The following CCDC146 variants were observed in gnomAD, a reference collection of about 807,000 sequenced individuals.
CCDC146 encodes coiled-coil domain containing 146, also known as coiled-coil domain-containing protein 146.
In CCDC146, 92 loss-of-function variants were observed where a neutral mutation model predicts 119.3. The ratio of observed to expected loss-of-function variants is 0.77; its 90% confidence interval spans 0.65 to 0.92. The LOEUF is 0.92. CCDC146 is among the 40% of genes least tolerant of loss of function. The probability of loss-of-function intolerance (pLI) is 0.00; values close to 1 mark genes in which losing one functional copy is unlikely to be tolerated. For synonymous variants in CCDC146, 372 were observed against 371.8 expected, an observed-to-expected ratio of 1.00 and a Z score of -0.01; for missense variants, 1,000 against 1,103.0, an observed-to-expected ratio of 0.91 and a Z score of 1.32.
At chr7:77,254,405 A>G (rs1030332339) in intron 4 of CCDC146, 101 bp from the exon 5 acceptor site, 3 of 663,676 alleles carry the variant, frequency 4.5e-6, no homozygotes, top group Non-Finnish European at 7.6e-6. Flanking sequence ...CTGGCCGACA[A>G]GCATGGGAAT....
intron 4 of CCDC146, among the ~76,000 whole-genome samples, chr7:77,245,692 A>G (rs1792936250): frequency 6.6e-6 from 1 of 152,186 alleles, no homozygotes; most frequent in South Asian, 2.1e-4. Flanking sequence ...TTCTTGGTCC[A>G]GTGCTGATAG....
At chr7:77,137,187 A>G (rs1790872831) in intron 1 of CCDC146, among the ~76,000 whole-genome samples, 2 of 151,562 alleles carry the variant, frequency 1.3e-5, no homozygotes. Context: ...CTTTTCCACT[A>G]AGATCAAGAA....
chr7:77,274,979 T>A (rs1022940441), intron 11 of CCDC146, among the ~76,000 whole-genome samples: 5 of 148,206 alleles, frequency 3.4e-5, no homozygotes, highest in Non-Finnish European at 7.4e-5. Context: ...TATACATACG[T>A]AACTAACTTG....
chr7:77,284,788 A>G (rs1221154082), intron 15 of CCDC146, among the ~76,000 whole-genome samples: 1 of 151,976 alleles, frequency 6.6e-6, no homozygotes, highest in Non-Finnish European at 1.5e-5. Context: ...ATGAACTGAG[A>G]CATGCAGACT....
intron 8 of CCDC146, among the ~76,000 whole-genome samples, chr7:77,260,773 C>T (rs1272292016): frequency 4.5e-5 from 6 of 131,920 alleles, no homozygotes; most frequent in Admixed American, 3.3e-4. Flanking sequence ...ACTACATGTG[C>T]GCACCACCAC....
At chr7:77,285,057 G>A (rs958434141) in intron 15 of CCDC146, among the ~76,000 whole-genome samples, 5 of 150,874 alleles carry the variant, frequency 3.3e-5, no homozygotes, top group East Asian at 1.9e-4. Flanking sequence ...TTTTTCGGTC[G>A]TCCATAACAG....
intron 14 of CCDC146, 85 bp from the exon 15 acceptor site, chr7:77,282,471 GC>G: frequency 1.2e-6 from 1 of 805,912 alleles, no homozygotes; most frequent in Non-Finnish European, 2.0e-6. Flanking sequence ...TGTATATCTT[GC>G]ATCCAAAGCC....
intron 2 of CCDC146, among the ~76,000 whole-genome samples, chr7:77,222,695 C>A (rs1286003974): frequency 6.6e-6 from 1 of 152,206 alleles, no homozygotes; most frequent in East Asian, 1.9e-4. Context: ...AAATGACCAG[C>A]TATGTACATC....
intron 1 of CCDC146, among the ~76,000 whole-genome samples, chr7:77,154,928 C>T (rs1259793740): frequency 3.3e-5 from 5 of 152,006 alleles, no homozygotes; most frequent in African/African-American, 9.7e-5. Flanking sequence ...TCATAGCAAG[C>T]AAGAGGAGTG....
intron 1 of CCDC146, 114 bp from the exon 2 acceptor site, chr7:77,167,544 T>C (rs1189417819): frequency 1.3e-6 from 1 of 783,212 alleles, no homozygotes; most frequent in Non-Finnish European, 1.8e-6. Flanking sequence ...ATTTGTAGTT[T>C]CATTGAACAA....
At chr7:77,151,673 C>A (rs187060974) in intron 1 of CCDC146, among the ~76,000 whole-genome samples, 3 of 152,202 alleles carry the variant, frequency 2.0e-5, no homozygotes, top group African/African-American at 7.2e-5. Flanking sequence ...CTCTCCTCCT[C>A]CTGGACATAA....
intron 2 of CCDC146, among the ~76,000 whole-genome samples, chr7:77,171,856 T>C (rs1283185107): frequency 6.6e-6 from 1 of 152,212 alleles, no homozygotes; most frequent in Admixed American, 6.5e-5. Context: ...AAGATTAAGG[T>C]TTGTTTTGCA....
At position 77,232,589 on chromosome 7, in the gene CCDC146, T is replaced by G. The variant is rs567107240; in HGVS notation, c.157-4358T>G. On this transcript the variant is annotated intron_variant, in intron 2 of 18. Coordinates refer to ENST00000285871, the MANE Select transcript of CCDC146 (RefSeq NM_020879.3). ...AAAGTCAAAGGCAGGGCTGCAGAGC[T>G]GCAAGTCCTCACAGCTTGCTCAGCC... Among the ~76,000 whole-genome samples the G allele has an allele frequency of 1.2e-4, 19 of 152,358 alleles. No individual in the cohort carries two copies. In the South Asian group the frequency reaches 3.9e-3, roughly 32 times the overall value.
Position 77,256,475 on chromosome 7 carries a change from TAGA to T in CCDC146, c.655_657del (p.Glu219del), listed in dbSNP as rs748475767. 8.1e-6 allele frequency: 13 copies of T among 1,605,278 alleles called. No homozygotes were observed. The Admixed American group carries it at 1.9e-4, about 24-fold the overall frequency. On this transcript the variant is annotated inframe_deletion, in exon 6 of 19. Transcript: ENST00000285871. Reference sequence around the variant, plus strand: ...CAATTATTAAAAGAGCAGAAGGAACTAGAAGAATTGTTGGGACATCAGGTCGTC... The same window carrying T: ...CAATTATTAAAAGAGCAGAAGGAACTAGAATTGTTGGGACATCAGGTCGTC...
intron 2 of CCDC146, among the ~76,000 whole-genome samples, chr7:77,205,453 T>C (rs1792066047): frequency 6.6e-6 from 1 of 152,218 alleles, no homozygotes; most frequent in Admixed American, 6.5e-5. Context: ...GTAAGACACA[T>C]CACAGCCATC....
intron 7 of CCDC146, 44 bp from the exon 8 acceptor site, chr7:77,259,939 AGTGTGTGTGTGTGTGTGTGTGTGTGT>A (rs58669153): frequency 0.092 from 69,535 of 757,482 alleles, 2,593 homozygotes; most frequent in Middle Eastern, 0.14. Flanking sequence ...AAATAAGGCA[AGTGTGTGTGTGTGTGTGTGTGTGTGT>A]GTGTGTGTGT....
chr7:77,206,130 A>C (rs1438664116), intron 2 of CCDC146, among the ~76,000 whole-genome samples: 3 of 152,194 alleles, frequency 2.0e-5, no homozygotes, highest in Non-Finnish European at 4.4e-5. Context: ...TTACAAATAA[A>C]TTTTAGAGAG....
At chr7:77,166,098 A>G (rs547530155) in intron 1 of CCDC146, among the ~76,000 whole-genome samples, 25 of 152,340 alleles carry the variant, frequency 1.6e-4, no homozygotes, top group Non-Finnish European at 3.1e-4. Flanking sequence ...CATATAAGCA[A>G]GTGTTCTGGT....
chr7:77,208,873 A>G (rs1002892670), intron 2 of CCDC146, among the ~76,000 whole-genome samples: 1 of 152,156 alleles, frequency 6.6e-6, no homozygotes, highest in Non-Finnish European at 1.5e-5. Context: ...ATGCCCAGCT[A>G]ATCTTTTTAA....
Sources: allele counts gnomAD v4.1 joint callset (sites outside exome capture counted in the v4.1 genomes callset), GRCh38; gene constraint gnomAD v4.1.1; transcripts MANE v1.5; gene names NCBI Gene and HGNC (gene_info 2026-07-23, HGNC 2026-07-21).